Variants in SH3RF2 observed in about 807,000 individuals in gnomAD.
SH3RF2 encodes E3 ubiquitin-protein ligase SH3RF2.
SH3RF2 carries 43 observed loss-of-function variants against 59.0 expected under a neutral mutation model. The observed-to-expected ratio is 0.73, with a 90% confidence interval of 0.57 to 0.94. The LOEUF is 0.94. Among genes scored for constraint, SH3RF2 ranks in the 40% least tolerant of loss-of-function variants. The pLI is 0.00. For synonymous variants in SH3RF2, 391 were observed against 391.5 expected (o/e 1.00, Z 0.01); for missense variants, 930 against 940.1 (o/e 0.99, Z 0.14).
chr5:146,072,347 G>A (rs963783212), intron 9 of SH3RF2, among the ~76,000 whole-genome samples: 2 of 152,290 alleles, frequency 1.3e-5, no homozygotes, highest in South Asian at 4.1e-4. Context: ...GGGCTTGAAA[G>A]CAGGATGAGC....
chr5:146,049,001 A>C (rs1741244455), intron 6 of SH3RF2, 74 bp from the exon 7 acceptor site: 13 of 1,557,012 alleles, frequency 8.3e-6, no homozygotes, highest in South Asian at 2.3e-5. Context: ...GTCTCTCTCC[A>C]CCATTCCCCC....
At chr5:145,958,550 C>T (rs773419170) in intron 2 of SH3RF2, among the ~76,000 whole-genome samples, 4 of 152,072 alleles carry the variant, frequency 2.6e-5, no homozygotes, top group Admixed American at 6.5e-5. Context: ...AAAATGCCTC[C>T]GTATAAGGAA....
intron 8 of SH3RF2, among the ~76,000 whole-genome samples, chr5:146,059,337 C>T (rs72820417): frequency 0.02 from 3,072 of 152,180 alleles, 54 homozygotes; most frequent in Non-Finnish European, 0.032. Flanking sequence ...TGCCACATGC[C>T]TAAAGCTTCT....
chr5:146,069,572 A>ATT (rs929422920), intron 9 of SH3RF2, among the ~76,000 whole-genome samples: 9 of 151,964 alleles, frequency 5.9e-5, no homozygotes, highest in African/African-American at 2.2e-4. Context: ...ATGCTTGTTT[A>ATT]TTTTTTGTTT....
chr5:145,967,579 C>T (rs557424502), intron 2 of SH3RF2, among the ~76,000 whole-genome samples: 29 of 152,312 alleles, frequency 1.9e-4, no homozygotes, highest in Admixed American at 2.6e-4. Flanking sequence ...TTGACCACAA[C>T]GTGGGACTGT....
intron 9 of SH3RF2, among the ~76,000 whole-genome samples, chr5:146,075,769 A>C (rs1763327514): frequency 7.3e-6 from 1 of 136,922 alleles, no homozygotes; most frequent in African/African-American, 2.8e-5. Context: ...ACAATGGCGA[A>C]ATTCCATGTA....
At chr5:145,938,402 G>C in intron 2 of SH3RF2, 96 bp downstream of exon 2, 1 of 1,381,218 alleles carries the variant, frequency 7.2e-7, no homozygotes, top group Non-Finnish European at 9.6e-7. Flanking sequence ...TTACATTCCA[G>C]AGTGCTGCTG....
intron 9 of SH3RF2, among the ~76,000 whole-genome samples, chr5:146,071,042 G>C (rs1410249204): frequency 6.6e-6 from 1 of 152,164 alleles, no homozygotes; most frequent in East Asian, 1.9e-4. Flanking sequence ...TGTCCTGGAG[G>C]CTAGCACCAT....
chr5:146,047,542 G>T (rs17796792), intron 5 of SH3RF2, among the ~76,000 whole-genome samples: 51,927 of 151,718 alleles, frequency 0.34, 9,242 homozygotes, highest in Non-Finnish European at 0.39. Context: ...ATCTGAGCAG[G>T]CTTTTGGAAT....
chr5:145,943,007 A>G (rs987461130), intron 2 of SH3RF2, among the ~76,000 whole-genome samples: 15 of 152,174 alleles, frequency 9.9e-5, no homozygotes, highest in African/African-American at 3.6e-4. Flanking sequence ...TAATAAAGGC[A>G]TACTTATATC....
intron 5 of SH3RF2, among the ~76,000 whole-genome samples, chr5:146,031,430 C>T (rs555964339): frequency 3.3e-5 from 5 of 151,982 alleles, no homozygotes; most frequent in African/African-American, 9.7e-5. Context: ...AGAGACTGAA[C>T]GAATGATTAA....
intron 2 of SH3RF2, among the ~76,000 whole-genome samples, chr5:145,960,993 C>A (rs897912030): frequency 1.3e-5 from 2 of 152,110 alleles, no homozygotes; most frequent in African/African-American, 4.8e-5. Context: ...CAGCAAGCAG[C>A]TGATGGAAAT....
intron 9 of SH3RF2, among the ~76,000 whole-genome samples, chr5:146,075,668 G>A (rs570859777): frequency 6.6e-6 from 1 of 151,448 alleles, no homozygotes; most frequent in African/African-American, 2.4e-5. Context: ...AAAATTAGCT[G>A]GGCATGGTAG....
At chr5:145,954,846 T>C (rs1350795109) in intron 2 of SH3RF2, among the ~76,000 whole-genome samples, 1 of 151,274 alleles carries the variant, frequency 6.6e-6, no homozygotes, top group East Asian at 2.0e-4. Context: ...ACATGTCACA[T>C]AGTGAAAGCA....
intron 2 of SH3RF2, among the ~76,000 whole-genome samples, chr5:145,945,036 C>A (rs1028388452): frequency 2.0e-5 from 3 of 152,042 alleles, no homozygotes; most frequent in Non-Finnish European, 4.4e-5. Flanking sequence ...AGTCAGTATA[C>A]CTGTATACAA....
intron 2 of SH3RF2, among the ~76,000 whole-genome samples, chr5:145,942,613 G>A (rs990959191): frequency 1.3e-5 from 2 of 152,214 alleles, no homozygotes; most frequent in Non-Finnish European, 2.9e-5. Flanking sequence ...AAATTTGCAA[G>A]GGGATTAAAA....
intron 7 of SH3RF2, among the ~76,000 whole-genome samples, chr5:146,053,940 A>T (rs1762583447): frequency 1.3e-5 from 2 of 152,134 alleles, no homozygotes; most frequent in Admixed American, 1.3e-4. Context: ...CTTTTTGAAT[A>T]TTGGGCCAGC....
intron 5 of SH3RF2, among the ~76,000 whole-genome samples, chr5:146,023,424 G>A (rs248778): frequency 5.9e-4 from 89 of 151,924 alleles, no homozygotes; most frequent in Admixed American, 1.6e-3. Flanking sequence ...GGCCAGGCTG[G>A]TCTCAAACTC....
rs1303964114 is a variant in SH3RF2, at chr5:146,002,526, AAGG to A, written c.649-1530_649-1528del. Among the ~76,000 whole-genome samples, 771 of 148,476 alleles carry A rather than the reference AAGG, an allele frequency of 5.2e-3. 14 individuals are homozygous for A. The highest frequency in any genetic ancestry group is 0.018 in the African/African-American group (728 of 39,386). The stretch of plus-strand genomic sequence containing the variant: ...GAAGGAAGGAAGGAAGGAAGGAAGG[AAGG>A]AAGGAAGGATAACCTATAAATGCAT... On this transcript the variant is annotated intron_variant, in intron 3 of 9. Coordinates refer to ENST00000359120, the MANE Select transcript of SH3RF2 (RefSeq NM_152550.4).
Sources: gnomAD v4.1 joint callset for allele counts (sites outside exome capture counted in the v4.1 genomes callset) on GRCh38, gnomAD v4.1.1 for gene constraint, MANE v1.5 for transcripts, NCBI Gene and HGNC (gene_info 2026-07-23, HGNC 2026-07-21) for gene names.